Variants in ERICH3 observed in about 807,000 individuals in gnomAD.
ERICH3 encodes glutamate rich 3.
A neutral mutation model predicts 131.1 loss-of-function variants in ERICH3; 126 were observed. The observed-to-expected ratio is 0.96, with a 90% CI of 0.83 to 1.11. The LOEUF (loss-of-function observed/expected upper bound fraction) is 1.11. ERICH3 is among the 50% of genes most tolerant of loss of function. The probability of loss-of-function intolerance (pLI) is 0.00; values close to 1 mark genes in which losing one functional copy is unlikely to be tolerated. For missense variants in ERICH3, 2,050 were observed against 1,810.7 expected (o/e 1.13, Z -2.40); for synonymous variants, 695 against 644.6 (o/e 1.08, Z -1.18).
rs546126387 is a variant in ERICH3 at position 74,641,372 on chromosome 1, T to C, written c.403A>G (p.Ser135Gly). ...GAATGTCCTTCATCAACCAGAACAC[T>C]ATGGCCACGATTACTCTTTGGGCCA... is the stretch of plus-strand genomic sequence containing the variant. ...PVGPKSNRGHSVLVDEGHSSP... is the reference protein window; with the variant it reads ...PVGPKSNRGHGVLVDEGHSSP... The change falls in exon 5 of 15, where the codon AGT becomes GGT. Residue 135 changes from serine (S) to glycine (G), a missense_variant. Transcript: ENST00000326665. The C allele has an allele frequency of 2.2e-5, 36 of 1,612,950 alleles. No individual in the cohort carries two copies. The East Asian group carries it at 8.0e-4, about 36-fold the overall frequency.
At chr1:74,576,957 GAAAA>G in intron 12 of ERICH3, 21 bp from the exon 13 acceptor site, 1 of 1,429,832 alleles carries the variant, frequency 7.0e-7, no homozygotes, top group South Asian at 1.3e-5. Flanking sequence ...AAAAAAAAAA[GAAAA>G]AAAAGGTCAA....
intron 4 of ERICH3, 99 bp from the exon 5 acceptor site, chr1:74,641,558 T>C: frequency 7.6e-7 from 1 of 1,323,516 alleles, no homozygotes; most frequent in South Asian, 1.3e-5. Context: ...AAAGAAATTC[T>C]TTCTCATTTC....
Position 74,571,950 on chromosome 1 carries a change from G to A in ERICH3, c.3760C>T (p.Leu1254=). ...AAKDHDSCAG[L]EGRAEGQGGV... ...CCTTGCCCTTCAGCTCTCCCCTCCA[G>A]TCCTGCGCAGGAGTCGTGATCTTTG... Residue 1254 remains leucine, a synonymous_variant, in exon 14 of 15, where the codon CTG becomes TTG. Transcript: ENST00000326665. 1.2e-6 allele frequency: 2 copies of A among 1,613,662 alleles called. No individual in the cohort carries two copies. Among genetic ancestry groups the A allele is most frequent in the East Asian group, 2.2e-5 (1 of 44,858 alleles).
intron 9 of ERICH3, among the ~76,000 whole-genome samples, chr1:74,609,455 G>A (rs186224928): frequency 1.3e-5 from 2 of 152,122 alleles, no homozygotes; most frequent in African/African-American, 4.8e-5. Flanking sequence ...CATTATGGGA[G>A]TGACAACAAA....
At position 74,643,044 on chromosome 1, in the gene ERICH3, G is replaced by A. The variant is rs770490223; in HGVS notation, c.298C>T (p.Arg100Ter). The change falls in exon 4 of 15, where the codon CGA (arginine) becomes TGA (stop). Residue 100 changes from arginine (R) to a stop codon, truncating the protein, a stop_gained. Coordinates refer to ENST00000326665, the MANE Select transcript of ERICH3 (RefSeq NM_001002912.5). LOFTEE classifies it high-confidence loss of function. ...KKLETLARKE[R>*]IQRFKGEHTR... is the part of the protein sequence containing the mutation. Reference sequence around the variant, plus strand: ...CTCCTTACCTTAAACCTCTGGATTCGCTCCTTCCTAGCTAAGGTCTCCAAT... The same window carrying A: ...CTCCTTACCTTAAACCTCTGGATTCACTCCTTCCTAGCTAAGGTCTCCAAT... 3.1e-6 allele frequency: 5 copies of A among 1,609,158 alleles called. No individual in the cohort carries two copies. Among genetic ancestry groups the A allele is most frequent in the African/African-American group, 2.7e-5 (2 of 74,662 alleles).
Position 74,572,455 on chromosome 1 carries a change from T to C in ERICH3, c.3255A>G (p.Ala1085=), listed in dbSNP as rs775022350. ...CTTTAAAAGCATCTTCATCCTTGAGTGCATTTGCCCTTGTCACCTCTTCTC... is the reference window on the plus strand; with the variant it reads ...CTTTAAAAGCATCTTCATCCTTGAGCGCATTTGCCCTTGTCACCTCTTCTC... ...SEREEVTRAN[A]LKDEDAFKEE... is the part of the protein sequence containing the mutation. Residue 1085 remains alanine, a synonymous_variant, in exon 14 of 15, where the codon GCA becomes GCG. Coordinates refer to ENST00000326665, the MANE Select transcript of ERICH3 (RefSeq NM_001002912.5). 1 of 1,614,150 alleles carries C rather than the reference T, an allele frequency of 6.2e-7. No individual in the cohort carries two copies. Among genetic ancestry groups the C allele is most frequent in the Non-Finnish European group, 8.5e-7 (1 of 1,180,028 alleles).
chr1:74,575,470 A>G (rs1038500032), intron 13 of ERICH3, among the ~76,000 whole-genome samples: 2 of 152,230 alleles, frequency 1.3e-5, no homozygotes, highest in Non-Finnish European at 2.9e-5. Flanking sequence ...ATATTTGTTC[A>G]CAGAACATAT....
Position 74,589,665 on chromosome 1 carries a change from G to A in ERICH3, c.2142C>T (p.Asp714=), listed in dbSNP as rs977264634. Residue 714 remains aspartate (D), a synonymous_variant, in exon 12 of 15, where the codon GAC becomes GAT. Transcript: ENST00000326665. ...LWEESTAQVK[D]KKAGLPGLEE... ...CCAACCCAGGGAGACCTGCCTTTTT[G>A]TCCTTCACCTGAGCAGTGCTTTCTT... 5 of 1,613,656 alleles carry A rather than the reference G, an allele frequency of 3.1e-6. No homozygotes were observed. The highest frequency in any genetic ancestry group is 2.2e-5 in the East Asian group (1 of 44,872).
intron 2 of ERICH3, among the ~76,000 whole-genome samples, chr1:74,648,283 A>C (rs1646502436): frequency 1.3e-5 from 2 of 152,186 alleles, no homozygotes; most frequent in African/African-American, 4.8e-5. Flanking sequence ...AGTGATGTTA[A>C]TAGTAACAAT....
chr1:74,581,579 A>C (rs1647183946), intron 12 of ERICH3, among the ~76,000 whole-genome samples: 1 of 152,166 alleles, frequency 6.6e-6, no homozygotes, highest in African/African-American at 2.4e-5. Context: ...TTTGTAAATA[A>C]TTTATAGCTT....
At chr1:74,577,126 A>G (rs1647074456) in intron 12 of ERICH3, 190 bp from the exon 13 acceptor site, 1 of 520,142 alleles carries the variant, frequency 1.9e-6, no homozygotes, top group African/African-American at 1.9e-5. Flanking sequence ...ATGTTCTTTT[A>G]TTTAATCCTA....
intron 10 of ERICH3, among the ~76,000 whole-genome samples, chr1:74,600,269 G>C (rs1648067092): frequency 6.6e-6 from 1 of 151,836 alleles, no homozygotes; most frequent in Non-Finnish European, 1.5e-5. Context: ...AATTAAAAAT[G>C]AAGAGAACAG....
In ERICH3 at chr1:74,571,209, G is replaced by C; in HGVS notation, c.4501C>G (p.Pro1501Ala). 6 of 1,614,062 alleles carry C rather than the reference G, an allele frequency of 3.7e-6. No homozygotes were observed. The highest frequency in any genetic ancestry group is 5.1e-6 in the Non-Finnish European group (6 of 1,179,998). The change falls in exon 14 of 15, where the codon CCT becomes GCT. Residue 1501 changes from proline (P) to alanine (A), a missense_variant. By Grantham distance (27) the Pro-to-Ala change is conservative. Coordinates refer to ENST00000326665, the MANE Select transcript of ERICH3 (RefSeq NM_001002912.5). ...TTCTCTCGGGTTTCAGTGAAATCAG[G>C]CTTCACTGGAAGTGTTGCCATCGCC... ...LQAMATLPVK[P>A]DFTETREKQQ...
chr1:74,579,616 G>A (rs1647140496), intron 12 of ERICH3: 9 of 985,236 alleles, frequency 9.1e-6, no homozygotes, highest in Non-Finnish European at 1.1e-5. Context: ...GCTTCACTTG[G>A]TCGTTTTTTC....
At chr1:74,580,718 T>TG (rs781110684) in intron 12 of ERICH3, among the ~76,000 whole-genome samples, 10 of 152,120 alleles carry the variant, frequency 6.6e-5, no homozygotes, top group Non-Finnish European at 1.0e-4. Context: ...TGATGTTTGC[T>TG]TTTTCATTGA....
chr1:74,592,882 G>C (rs1005378960), intron 11 of ERICH3, among the ~76,000 whole-genome samples: 1 of 151,988 alleles, frequency 6.6e-6, no homozygotes, highest in African/African-American at 2.4e-5. Flanking sequence ...AAGCTTCAGG[G>C]TTATGAAATA....
At chr1:74,587,169 C>G (rs1461591463) in intron 12 of ERICH3, among the ~76,000 whole-genome samples, 3 of 151,246 alleles carry the variant, frequency 2.0e-5, no homozygotes, top group Non-Finnish European at 3.0e-5. Context: ...ACTAAAAATA[C>G]AAAAAATTAG....
At chr1:74,654,374 G>C (rs1387402002) in intron 1 of ERICH3, among the ~76,000 whole-genome samples, 1 of 151,202 alleles carries the variant, frequency 6.6e-6, no homozygotes, top group African/African-American at 2.4e-5. Context: ...ATATATGTAT[G>C]TATATATGTA....
chr1:74,603,765 C>T (rs1347615346), intron 10 of ERICH3, among the ~76,000 whole-genome samples: 1 of 151,844 alleles, frequency 6.6e-6, no homozygotes, highest in Non-Finnish European at 1.5e-5. Flanking sequence ...AATGTATACA[C>T]CTTAACTAAA....
Sources: gnomAD v4.1 joint callset for allele counts (sites outside exome capture counted in the v4.1 genomes callset) on GRCh38, gnomAD v4.1.1 for gene constraint, MANE v1.5 for transcripts, NCBI Gene and HGNC (gene_info 2026-07-23, HGNC 2026-07-21) for gene names.